The following EYS variants were observed in gnomAD, a reference collection of about 807,000 sequenced individuals.
The protein encoded by EYS is protein eyes shut homolog.
In EYS, 250 loss-of-function variants were observed where a neutral mutation model predicts 282.1. The ratio of observed to expected loss-of-function variants is 0.89; its 90% CI spans 0.80 to 0.98. The LOEUF (loss-of-function observed/expected upper bound fraction) is 0.98, where lower values mean the gene tolerates loss of function less well. Among genes scored for constraint, EYS ranks in the 50% least tolerant of loss-of-function variants. The pLI is 0.00. For synonymous variants in EYS, 1,355 were observed against 1,282.9 expected, an observed-to-expected ratio of 1.06 and a Z score of -1.20; for missense variants, 4,016 against 3,709.0, an observed-to-expected ratio of 1.08 and a Z score of -2.15.
intron 8 of EYS, among the ~76,000 whole-genome samples, chr6:65,362,522 T>A (rs1371525357): frequency 6.7e-6 from 1 of 149,996 alleles, no homozygotes; most frequent in East Asian, 1.9e-4. Flanking sequence ...TACACATGCA[T>A]ATACATTACA....
chr6:64,529,101 A>G (rs1778017454), intron 26 of EYS, among the ~76,000 whole-genome samples: 1 of 152,050 alleles, frequency 6.6e-6, no homozygotes, highest in South Asian at 2.1e-4. Flanking sequence ...CCTAGGGCAC[A>G]TTTTGGAAAA....
intron 12 of EYS, among the ~76,000 whole-genome samples, chr6:65,255,836 A>G (rs578081357): frequency 2.0e-5 from 3 of 152,204 alleles, no homozygotes; most frequent in Admixed American, 2.0e-4. Flanking sequence ...TTTATCCAAA[A>G]GACAGGCAAT....
intron 35 of EYS, among the ~76,000 whole-genome samples, chr6:63,972,242 A>G (rs1766611323): frequency 1.3e-5 from 2 of 152,152 alleles, no homozygotes; most frequent in African/African-American, 4.8e-5. Context: ...CATTTTATGA[A>G]TTTGTCTTAG....
chr6:64,623,829 T>G (rs1250747882), intron 23 of EYS, among the ~76,000 whole-genome samples: 1 of 152,088 alleles, frequency 6.6e-6, no homozygotes, highest in Non-Finnish European at 1.5e-5. Context: ...AGAGTTAATT[T>G]TACTGTGGGA....
chr6:64,879,106 A>T (rs1170753130), intron 19 of EYS, among the ~76,000 whole-genome samples: 1 of 152,170 alleles, frequency 6.6e-6, no homozygotes, highest in Non-Finnish European at 1.5e-5. Context: ...TTTTGAACAG[A>T]ACTATCTAAC....
At chr6:64,095,863 A>G (rs192513770) in intron 31 of EYS, among the ~76,000 whole-genome samples, 2 of 152,200 alleles carry the variant, frequency 1.3e-5, no homozygotes, top group East Asian at 3.9e-4. Context: ...TGGTCTTTAC[A>G]ATTTGGCATG....
chr6:65,684,248 C>A (rs1209877585), intron 1 of EYS, among the ~76,000 whole-genome samples: 1 of 152,012 alleles, frequency 6.6e-6, no homozygotes, highest in Non-Finnish European at 1.5e-5. Flanking sequence ...CACAGTCATG[C>A]AGGATTTAGT....
chr6:65,628,070 C>A (rs1348436985), intron 2 of EYS, among the ~76,000 whole-genome samples: 1 of 152,216 alleles, frequency 6.6e-6, no homozygotes, highest in Non-Finnish European at 1.5e-5. Flanking sequence ...CACCAATCAG[C>A]ACCGTGTGTC....
At chr6:64,255,825 C>A (rs1043549433) in intron 30 of EYS, among the ~76,000 whole-genome samples, 2 of 151,964 alleles carry the variant, frequency 1.3e-5, no homozygotes, top group African/African-American at 2.4e-5. Context: ...ATGTAGGCCA[C>A]TTTGGTAGTC....
intron 8 of EYS, among the ~76,000 whole-genome samples, chr6:65,366,688 AAAC>A (rs1764923592): frequency 1.3e-5 from 2 of 151,784 alleles, no homozygotes; most frequent in South Asian, 2.1e-4. Context: ...CAGTGGCATA[AAAC>A]AACATTTATT....
At chr6:65,328,202 C>T (rs779977142) in intron 11 of EYS, among the ~76,000 whole-genome samples, 39 of 151,326 alleles carry the variant, frequency 2.6e-4, no homozygotes, top group Non-Finnish European at 5.5e-4. Flanking sequence ...TTAAACTGTT[C>T]CAGTCAATTA....
At chr6:64,626,610 T>C (rs1767618185) in intron 22 of EYS, among the ~76,000 whole-genome samples, 1 of 152,036 alleles carries the variant, frequency 6.6e-6, no homozygotes, top group Non-Finnish European at 1.5e-5. Flanking sequence ...CACATAAAGA[T>C]TAACATTATG....
chr6:63,811,650 C>A (rs1771049579), intron 36 of EYS, among the ~76,000 whole-genome samples: 1 of 152,182 alleles, frequency 6.6e-6, no homozygotes, highest in Non-Finnish European at 1.5e-5. Context: ...ATCCAACCAA[C>A]TACTAGATAA....
chr6:64,341,053 T>A (rs534108537), intron 29 of EYS, among the ~76,000 whole-genome samples: 1 of 151,416 alleles, frequency 6.6e-6, no homozygotes, highest in African/African-American at 2.4e-5. Context: ...TTATAAAAAA[T>A]CGAAAACAAC....
chr6:64,697,716 G>A (rs1770631880), intron 22 of EYS, among the ~76,000 whole-genome samples: 1 of 152,058 alleles, frequency 6.6e-6, no homozygotes. Context: ...GGCTGAGGCA[G>A]GTGGATCATG....
At chr6:64,262,503 T>G (rs931342246) in intron 30 of EYS, among the ~76,000 whole-genome samples, 1 of 151,942 alleles carries the variant, frequency 6.6e-6, no homozygotes, top group African/African-American at 2.4e-5. Flanking sequence ...ACACGTTCCC[T>G]ACGTTATATG....
At chr6:64,921,250 A>G (rs1583295455) in intron 15 of EYS, among the ~76,000 whole-genome samples, 1 of 152,198 alleles carries the variant, frequency 6.6e-6, no homozygotes, top group Admixed American at 6.5e-5. Context: ...ATATGCAAAA[A>G]TAAACCTATT....
chr6:64,704,762 C>T (rs528454795), intron 22 of EYS, among the ~76,000 whole-genome samples: 11 of 151,930 alleles, frequency 7.2e-5, no homozygotes, highest in Non-Finnish European at 1.5e-4. Context: ...CGAGTTACAG[C>T]TGTTCCACAA....
At chr6:65,595,067 C>G (rs1278388490) in intron 2 of EYS, among the ~76,000 whole-genome samples, 2 of 151,880 alleles carry the variant, frequency 1.3e-5, no homozygotes, top group Non-Finnish European at 2.9e-5. Flanking sequence ...GTTAGTGTAG[C>G]CTTGTAGTAT....
Sources: allele counts gnomAD v4.1 joint callset (sites outside exome capture counted in the v4.1 genomes callset), GRCh38; gene constraint gnomAD v4.1.1; transcripts MANE v1.5; gene names NCBI Gene and HGNC (gene_info 2026-07-23, HGNC 2026-07-21).